The following CRBN variants were observed in gnomAD, a reference collection of about 807,000 sequenced individuals.
CRBN encodes the protein protein cereblon.
A neutral mutation model predicts 62.2 loss-of-function variants in CRBN; 53 were observed. That is an observed-to-expected ratio of 0.85 (90% CI 0.68 to 1.07). The LOEUF (loss-of-function observed/expected upper bound fraction) is 1.07. CRBN is among the 50% of genes least tolerant of loss of function. The pLI is 0.00. For synonymous variants in CRBN, 208 were observed against 176.1 expected (o/e 1.18, Z -1.43); for missense variants, 616 against 531.1 (o/e 1.16, Z -1.57).
intron 4 of CRBN, among the ~76,000 whole-genome samples, chr3:3,171,920 G>A (rs776859064): frequency 4.6e-5 from 7 of 152,182 alleles, no homozygotes; most frequent in East Asian, 1.9e-4. Flanking sequence ...CTTGTATTGC[G>A]TACCAGGACT....
chr3:3,170,084 G>A (rs1397119544), intron 4 of CRBN, among the ~76,000 whole-genome samples: 1 of 152,028 alleles, frequency 6.6e-6, no homozygotes, highest in South Asian at 2.1e-4. Flanking sequence ...GGTTCAAGTG[G>A]TTCTCATGCC....
At chr3:3,156,400 A>G (rs748011139) in intron 5 of CRBN, 119 bp from the exon 6 acceptor site, 10 of 867,990 alleles carry the variant, frequency 1.2e-5, no homozygotes, top group East Asian at 2.6e-5. Flanking sequence ...TAAAAAGATA[A>G]AAAATTTTGT....
chr3:3,173,217 C>T (rs1353341388), intron 3 of CRBN, among the ~76,000 whole-genome samples: 1 of 152,082 alleles, frequency 6.6e-6, no homozygotes, highest in African/African-American at 2.4e-5. Flanking sequence ...ACCACCACGC[C>T]TGGCTAATTT....
intron 5 of CRBN, among the ~76,000 whole-genome samples, chr3:3,157,371 G>A (rs1706941707): frequency 6.6e-6 from 1 of 152,162 alleles, no homozygotes; most frequent in Non-Finnish European, 1.5e-5. Context: ...TAATTTCACT[G>A]TAAATAAAAT....
rs1169949993 is a variant in CRBN at position 3,154,439 on chromosome 3, C to T, written c.835+308G>A. 8 of 461,390 alleles carry T rather than the reference C, an allele frequency of 1.7e-5. No individual in the cohort carries two copies. In the East Asian group the frequency reaches 3.5e-4, roughly 20 times the overall value. The allele number at this position is 461,390 out of a possible 1,614,324, so 28.6% of individuals were successfully genotyped here. A position where few individuals can be genotyped will look rare whatever the true frequency, so the allele number is the denominator to read the frequency against. ...ACTAGACTCACTTCTTTTAAAGGCA[C>T]CTTGAAGAACAGGGAAAGGAGTCCT... On this transcript the variant is annotated intron_variant, in intron 7 of 10. Transcript: ENST00000231948.
intron 4 of CRBN, chr3:3,172,327 T>C (rs935903311): frequency 5.8e-6 from 1 of 171,902 alleles, no homozygotes; most frequent in Admixed American, 5.7e-5. Context: ...TCAAACATCA[T>C]AGCAATGCTA....
chr3:3,157,387 T>C (rs988835822), intron 5 of CRBN, among the ~76,000 whole-genome samples: 2 of 152,164 alleles, frequency 1.3e-5, no homozygotes, highest in Admixed American at 1.3e-4. Flanking sequence ...AAAATGTTAA[T>C]TGACATGTGA....
At chr3:3,159,527 G>C (rs893473230) in intron 5 of CRBN, among the ~76,000 whole-genome samples, 2 of 152,168 alleles carry the variant, frequency 1.3e-5, no homozygotes, top group Non-Finnish European at 2.9e-5. Context: ...AGTATAAAGA[G>C]AATAAAATGT....
chr3:3,166,729 C>T (rs969538380), intron 5 of CRBN, among the ~76,000 whole-genome samples: 36 of 152,026 alleles, frequency 2.4e-4, no homozygotes, highest in Admixed American at 1.8e-3. Flanking sequence ...CACAAGTTTT[C>T]ACTGAAAACT....
intron 5 of CRBN, among the ~76,000 whole-genome samples, chr3:3,162,195 A>T (rs1345516288): frequency 6.6e-6 from 1 of 152,192 alleles, no homozygotes; most frequent in Non-Finnish European, 1.5e-5. Context: ...TTTCATACTC[A>T]ACTCTTTTCT....
intron 3 of CRBN, among the ~76,000 whole-genome samples, chr3:3,173,538 G>A (rs1431996862): frequency 6.6e-6 from 1 of 152,074 alleles, no homozygotes; most frequent in Non-Finnish European, 1.5e-5. Context: ...TATCATTTCT[G>A]CTGCTTACTG....
chr3:3,173,849 A>G (rs1435886014), intron 3 of CRBN: 3 of 590,880 alleles, frequency 5.1e-6, no homozygotes, highest in Non-Finnish European at 6.0e-6. Flanking sequence ...ATTGTGTATG[A>G]AGGTGAAGAG....
chr3:3,177,705 G>C (rs1707882604), intron 1 of CRBN, among the ~76,000 whole-genome samples: 1 of 152,126 alleles, frequency 6.6e-6, no homozygotes, highest in South Asian at 2.1e-4. Flanking sequence ...CTGACTCCTA[G>C]TCTCTAAATA....
intron 5 of CRBN, among the ~76,000 whole-genome samples, chr3:3,158,809 C>T (rs1380025727): frequency 2.0e-5 from 3 of 152,164 alleles, no homozygotes; most frequent in African/African-American, 4.8e-5. Context: ...ATCATTCATT[C>T]AACAAATATT....
chr3:3,151,095 A>G (rs1706509384), intron 10 of CRBN, 50 bp from the exon 11 acceptor site: 1 of 1,584,828 alleles, frequency 6.3e-7, no homozygotes. Flanking sequence ...CTGTACTCCA[A>G]GCCTATCATA....
At chr3:3,156,902 T>A (rs1706914804) in intron 5 of CRBN, 1 of 152,404 alleles carries the variant, frequency 6.6e-6, no homozygotes, top group Non-Finnish European at 1.5e-5. Context: ...GAAATTTCAG[T>A]TGAATTGTGA....
In CRBN at chr3:3,150,284, C is replaced by T. The variant is rs150489297; in HGVS notation, c.*581G>A. ...GACAACTATTCGTGGGCTCAAAAAACTGCATATTTTAACTAATTTTCAAAA... is the reference window on the plus strand; with the variant it reads ...GACAACTATTCGTGGGCTCAAAAAATTGCATATTTTAACTAATTTTCAAAA... On this transcript the variant is annotated 3_prime_UTR_variant, in exon 11 of 11. Coordinates refer to ENST00000231948, the MANE Select transcript of CRBN (RefSeq NM_016302.4). The T allele has an allele frequency of 6.6e-6, 1 of 152,032 alleles. No homozygotes were observed. The highest frequency in any genetic ancestry group is 6.5e-5 in the Admixed American group (1 of 15,304). The allele number at this position is 152,032 out of a possible 1,614,324, so 9.4% of individuals were successfully genotyped here.
rs533833281 is a variant in CRBN, at chr3:3,162,845, G to A, written c.687+4789C>T. Among the ~76,000 whole-genome samples, 4 of 152,220 alleles carry A rather than the reference G, an allele frequency of 2.6e-5. No individual in the cohort carries two copies. In the South Asian group the frequency reaches 8.3e-4, roughly 32 times the overall value. On this transcript the variant is annotated intron_variant, in intron 5 of 10. Coordinates refer to ENST00000231948, the MANE Select transcript of CRBN (RefSeq NM_016302.4). ...ATATGCAGTACTTCAGATTATGGTG[G>A]GATGGACAAATCAGATACAAGCAAG...
At position 3,171,115 on chromosome 3, in the gene CRBN, C is replaced by CT. The variant is rs1342159335; in HGVS notation, c.527+1660dup. Among the ~76,000 whole-genome samples the CT allele has an allele frequency of 3.3e-5, 5 of 152,258 alleles. No homozygotes were observed. In the East Asian group the frequency reaches 7.7e-4, roughly 24 times the overall value. Reference sequence around the variant, plus strand: ...CCACTGTGCGCGGCCTGATGTTAATCTTTACTAGAGTCAAAAATCCATTCC... The same window carrying CT: ...CCACTGTGCGCGGCCTGATGTTAATCTTTTACTAGAGTCAAAAATCCATTCC... On this transcript the variant is annotated intron_variant, in intron 4 of 10. Transcript: ENST00000231948.
Sources: allele counts gnomAD v4.1 joint callset (sites outside exome capture counted in the v4.1 genomes callset), GRCh38; gene constraint gnomAD v4.1.1; transcripts MANE v1.5; gene names NCBI Gene and HGNC (gene_info 2026-07-23, HGNC 2026-07-21).